PAPPA2: variants seen among roughly 807,000 people sequenced by gnomAD.
PAPPA2 encodes pappalysin 2.
A neutral mutation model predicts 176.4 loss-of-function variants in PAPPA2; 86 were observed. The ratio of observed to expected loss-of-function variants is 0.49; its 90% CI spans 0.41 to 0.58. The LOEUF (loss-of-function observed/expected upper bound fraction) is 0.58, where lower values mean the gene tolerates loss of function less well. PAPPA2 is among the 20% of genes least tolerant of loss of function. PAPPA2 has a pLI of 0.00. For synonymous variants in PAPPA2, 809 were observed against 852.2 expected, an observed-to-expected ratio of 0.95 and a Z score of 0.88; for missense variants, 2,073 against 2,256.9, an observed-to-expected ratio of 0.92 and a Z score of 1.65.
chr1:176,631,617 G>A (rs926839537), intron 3 of PAPPA2, among the ~76,000 whole-genome samples: 1 of 152,154 alleles, frequency 6.6e-6, no homozygotes, highest in African/African-American at 2.4e-5. Flanking sequence ...AATAAAGACA[G>A]GAAAATCTTG....
In PAPPA2 at chr1:176,590,801, C is replaced by G. The variant is rs573499620; in HGVS notation, c.920-3723C>G. Among the ~76,000 whole-genome samples, 32 of 152,200 alleles carry G rather than the reference C, an allele frequency of 2.1e-4. No individual in the cohort carries two copies. The East Asian group carries it at 4.4e-3, about 21-fold the overall frequency. On this transcript the variant is annotated intron_variant, in intron 2 of 22. Transcript: ENST00000367662. Reference sequence around the variant, plus strand: ...TGACTCATGCTTTTAACCACATGCACTATGGTCTTTCCCAGCATAGGTTTT... The same window carrying G: ...TGACTCATGCTTTTAACCACATGCAGTATGGTCTTTCCCAGCATAGGTTTT...
intron 21 of PAPPA2, among the ~76,000 whole-genome samples, chr1:176,805,703 C>T (rs1665874733): frequency 1.3e-5 from 2 of 152,064 alleles, no homozygotes; most frequent in South Asian, 4.1e-4. Flanking sequence ...AGAATCAAGG[C>T]CAGGCACAGT....
intron 3 of PAPPA2, among the ~76,000 whole-genome samples, chr1:176,615,066 A>G (rs1573129818): frequency 6.6e-6 from 1 of 152,208 alleles, no homozygotes; most frequent in Non-Finnish European, 1.5e-5. Context: ...TTATGATTAT[A>G]ATAACAAAGC....
At chr1:176,585,896 T>C (rs143334746) in intron 2 of PAPPA2, among the ~76,000 whole-genome samples, 152 of 152,270 alleles carry the variant, frequency 1.0e-3, no homozygotes, top group African/African-American at 3.4e-3. Context: ...TTATTTTGTT[T>C]AACCATCTAT....
chr1:176,608,594 T>G (rs1189875311), intron 3 of PAPPA2, among the ~76,000 whole-genome samples: 1 of 152,164 alleles, frequency 6.6e-6, no homozygotes, highest in African/African-American at 2.4e-5. Context: ...CTTTTTAATT[T>G]TTAATATTTT....
At chr1:176,470,938 A>G (rs1651843398) in intron 1 of PAPPA2, among the ~76,000 whole-genome samples, 1 of 152,048 alleles carries the variant, frequency 6.6e-6, no homozygotes, top group Admixed American at 6.6e-5. Context: ...CCAAGTCCCC[A>G]GTGGCTTCTC....
rs1057077997 is a variant in PAPPA2, at chr1:176,733,290, T to G, written c.3799-6336T>G. 2.0e-5 allele frequency among the ~76,000 whole-genome samples: 3 copies of G among 152,182 alleles called. No homozygotes were observed. In the East Asian group the frequency reaches 5.8e-4, roughly 29 times the overall value. ...TGAAATTTCTAAAATGATCTTGTGC[T>G]TCAGAAGAAAATCTTCTGTTGTTTG... is the stretch of plus-strand genomic sequence containing the variant. On this transcript the variant is annotated intron_variant, in intron 12 of 22. Coordinates refer to ENST00000367662, the MANE Select transcript of PAPPA2 (RefSeq NM_020318.3).
intron 20 of PAPPA2, among the ~76,000 whole-genome samples, chr1:176,795,048 G>T (rs1258864701): frequency 6.6e-6 from 1 of 152,122 alleles, no homozygotes; most frequent in Non-Finnish European, 1.5e-5. Context: ...GTCCTCATGT[G>T]CCCAGATCAA....
intron 2 of PAPPA2, among the ~76,000 whole-genome samples, chr1:176,576,869 T>C (rs1199792971): frequency 1.3e-5 from 2 of 151,864 alleles, no homozygotes; most frequent in African/African-American, 4.8e-5. Flanking sequence ...TTCTGACAGG[T>C]GCTGCTGATT....
At chr1:176,623,665 TTCTTTTTC>T (rs1272153909) in intron 3 of PAPPA2, among the ~76,000 whole-genome samples, 3 of 109,860 alleles carry the variant, frequency 2.7e-5, no homozygotes, top group Non-Finnish European at 4.1e-5. Flanking sequence ...CTTTCTTTCT[TTCTTTTTC>T]TTTCTTTCTT....
At chr1:176,697,392 A>G (rs1296648844) in intron 7 of PAPPA2, among the ~76,000 whole-genome samples, 1 of 152,198 alleles carries the variant, frequency 6.6e-6, no homozygotes, top group Non-Finnish European at 1.5e-5. Flanking sequence ...GGACTTCACA[A>G]GCATTAATTT....
chr1:176,589,546 A>C (rs991486031), intron 2 of PAPPA2, among the ~76,000 whole-genome samples: 1 of 152,222 alleles, frequency 6.6e-6, no homozygotes, highest in Non-Finnish European at 1.5e-5. Flanking sequence ...TTTTAAGATG[A>C]TGTGGTCCAA....
At chr1:176,800,343 C>T (rs1665628816) in intron 21 of PAPPA2, among the ~76,000 whole-genome samples, 1 of 152,062 alleles carries the variant, frequency 6.6e-6, no homozygotes, top group Non-Finnish European at 1.5e-5. Flanking sequence ...TTTGGAGATC[C>T]ACTTTAAATG....
At chr1:176,672,485 C>T (rs1659065072) in intron 4 of PAPPA2, among the ~76,000 whole-genome samples, 2 of 151,482 alleles carry the variant, frequency 1.3e-5, no homozygotes, top group African/African-American at 2.4e-5. Flanking sequence ...ATCGAATTGA[C>T]AATCATAGAC....
At chr1:176,565,820 G>A (rs929375563) in intron 2 of PAPPA2, among the ~76,000 whole-genome samples, 2 of 152,272 alleles carry the variant, frequency 1.3e-5, no homozygotes, top group Admixed American at 1.3e-4. Context: ...GAGACATCTG[G>A]GCTCTGATGC....
intron 3 of PAPPA2, among the ~76,000 whole-genome samples, chr1:176,668,448 A>G (rs904152654): frequency 3.3e-5 from 5 of 152,180 alleles, no homozygotes; most frequent in African/African-American, 1.2e-4. Flanking sequence ...TGGCAAGTCT[A>G]TCTCTTAATC....
chr1:176,817,506 G>A (rs745524857), intron 21 of PAPPA2, among the ~76,000 whole-genome samples: 5 of 152,110 alleles, frequency 3.3e-5, no homozygotes, highest in South Asian at 4.1e-4. Context: ...GAAGAGTGAC[G>A]GGTGATAAGC....
chr1:176,594,353 G>A (rs1653826538), intron 2 of PAPPA2, among the ~76,000 whole-genome samples, 171 bp from the exon 3 acceptor site: 2 of 152,182 alleles, frequency 1.3e-5, no homozygotes, highest in South Asian at 4.1e-4. Context: ...TGCCAGAACG[G>A]CCTGATATAG....
At chr1:176,774,430 C>T (rs1348645378) in intron 17 of PAPPA2, among the ~76,000 whole-genome samples, 3 of 152,114 alleles carry the variant, frequency 2.0e-5, no homozygotes, top group Non-Finnish European at 4.4e-5. Context: ...TTCAAATATG[C>T]ATATCTTTCT....
Sources: gnomAD v4.1 joint callset for allele counts (sites outside exome capture counted in the v4.1 genomes callset) on GRCh38, gnomAD v4.1.1 for gene constraint, MANE v1.5 for transcripts, NCBI Gene and HGNC (gene_info 2026-07-23, HGNC 2026-07-21) for gene names.